The following TXLNB variants were observed in gnomAD, a reference collection of about 807,000 sequenced individuals.
The protein encoded by TXLNB is beta-taxilin.
Under a neutral mutation model 57.4 loss-of-function variants are expected in TXLNB, and 37 were observed. That is an observed-to-expected ratio of 0.64 (90% CI 0.50 to 0.85). The LOEUF is 0.85. TXLNB is among the 40% of genes least tolerant of loss of function. The pLI is 0.00. For synonymous variants in TXLNB, 302 were observed against 309.6 expected (o/e 0.98, Z 0.26); for missense variants, 848 against 825.6 (o/e 1.03, Z -0.33).
rs1334907855 is a variant in TXLNB, at chr6:139,260,426, T to G, written c.894A>C (p.Lys298Asn). The change falls in exon 6 of 10, where the codon AAA becomes AAC. Residue 298 changes from lysine (K) to asparagine (N), a missense_variant. Physicochemically the swap from Lys to Asn is moderately conservative, Grantham distance 94. Transcript: ENST00000358430. ...QYELREEHLD[K>N]IFKHRELQQK... ...GCTGCAGTTCTCTGTGTTTAAATAT[T>G]TTGTCCAGATGCTAAGAAAAATAAA... 10 of 1,613,988 alleles carry G rather than the reference T, an allele frequency of 6.2e-6. No individual in the cohort carries two copies. Among genetic ancestry groups the G allele is most frequent in the Non-Finnish European group, 7.6e-6 (9 of 1,179,970 alleles).
chr6:139,166,716 C>G, the TXLNB span: 1 of 1,608,196 alleles, frequency 6.2e-7, no homozygotes, highest in Non-Finnish European at 8.5e-7. Context: ...CAGAAAGGCC[C>G]AAGCCACGAC....
chr6:139,201,742 C>T, the TXLNB span: 6 of 152,096 alleles, frequency 3.9e-5, no homozygotes, highest in African/African-American at 1.4e-4. Flanking sequence ...TTTACTGGCT[C>T]GTCAGTGCTT....
the TXLNB span, among the ~76,000 whole-genome samples, chr6:139,203,422 A>G: frequency 2.1e-4 from 32 of 152,330 alleles, no homozygotes; most frequent in Non-Finnish European, 4.1e-4. Flanking sequence ...AAGGAAGCCA[A>G]TGTCCCATAA....
At chr6:139,217,884 A>G in the TXLNB span, among the ~76,000 whole-genome samples, 772 of 151,670 alleles carry the variant, frequency 5.1e-3, 6 homozygotes, top group African/African-American at 0.017. Flanking sequence ...AAAAAAAAAA[A>G]AAAGAAAAAG....
intron 7 of TXLNB, among the ~76,000 whole-genome samples, chr6:139,250,013 G>GT (rs906275616): frequency 4.3e-4 from 64 of 148,412 alleles, no homozygotes; most frequent in Middle Eastern, 3.4e-3. Context: ...GTTTACTGTG[G>GT]TTTTTTTTTT....
At chr6:139,182,707 T>C in the TXLNB span, among the ~76,000 whole-genome samples, 658 of 152,366 alleles carry the variant, frequency 4.3e-3, 20 homozygotes, top group East Asian at 1.5e-3. Context: ...ACAGATGTAA[T>C]ATTTGAAATA....
the TXLNB span, among the ~76,000 whole-genome samples, chr6:139,185,289 G>A: frequency 2.6e-5 from 4 of 152,304 alleles, no homozygotes; most frequent in South Asian, 2.1e-4. Context: ...TGCAATCTTG[G>A]TTATCAAGCT....
chr6:139,274,168 G>C (rs1776836752), intron 3 of TXLNB, among the ~76,000 whole-genome samples: 1 of 152,216 alleles, frequency 6.6e-6, no homozygotes, highest in Non-Finnish European at 1.5e-5. Context: ...ATTTAGTCAT[G>C]AAATGTCCTT....
At chr6:139,294,979 A>G (rs944710909), upstream of TXLNB, among the ~76,000 whole-genome samples, 9 of 150,672 alleles carry the variant, frequency 6.0e-5, no homozygotes, top group Middle Eastern at 3.4e-3. Context: ...ACAGAGCAAG[A>G]CTCTGTCTCA....
chr6:139,191,987 T>A, the TXLNB span, among the ~76,000 whole-genome samples: 1 of 152,338 alleles, frequency 6.6e-6, no homozygotes, highest in African/African-American at 2.4e-5. Context: ...ATTCATTTTT[T>A]AATAACCTAA....
the TXLNB span, among the ~76,000 whole-genome samples, chr6:139,193,055 C>T: frequency 7.2e-5 from 11 of 151,744 alleles, no homozygotes; most frequent in Non-Finnish European, 1.6e-4. Flanking sequence ...GTGGTCATTT[C>T]TCAGTCCTCA....
the TXLNB span, among the ~76,000 whole-genome samples, chr6:139,298,015 C>T: frequency 6.6e-6 from 1 of 152,066 alleles, no homozygotes; most frequent in Non-Finnish European, 1.5e-5. Flanking sequence ...TTGTATTAAT[C>T]CAAATACAAA....
rs1777085163 is a variant in TXLNB, at chr6:139,282,790, C to T, written c.424+5686G>A. The stretch of plus-strand genomic sequence containing the variant: ...CGATGTCAGTGACACAAAGTCCATC[C>T]CTTGCTTTATGACTAATCTCACAAT... On this transcript the variant is annotated intron_variant, in intron 2 of 9. Coordinates refer to ENST00000358430, the MANE Select transcript of TXLNB (RefSeq NM_153235.4). Among the ~76,000 whole-genome samples, 2 of 145,480 alleles carry T rather than the reference C, an allele frequency of 1.4e-5. 1 individual carries two copies. The highest frequency in any genetic ancestry group is 5.1e-5 in the African/African-American group (2 of 39,478).
chr6:139,244,566 G>A, intron 9 of TXLNB, 29 bp downstream of exon 9: 1 of 1,419,586 alleles, frequency 7.0e-7, no homozygotes. Context: ...AGACAGAGGG[G>A]ATTAAAGCTA....
chr6:139,301,644 A>G, the TXLNB span, among the ~76,000 whole-genome samples: 4 of 152,206 alleles, frequency 2.6e-5, no homozygotes, highest in East Asian at 7.7e-4. Flanking sequence ...GTCCTCACCG[A>G]AGAAAGTGCT....
At chr6:139,236,948 C>T (rs1222857483), downstream of TXLNB, among the ~76,000 whole-genome samples, 2 of 152,096 alleles carry the variant, frequency 1.3e-5, no homozygotes, top group Non-Finnish European at 2.9e-5. Flanking sequence ...AATAAGAAAA[C>T]AAGGCAGCAA....
At chr6:139,323,476 G>A in the TXLNB span, among the ~76,000 whole-genome samples, 2 of 151,982 alleles carry the variant, frequency 1.3e-5, no homozygotes, top group South Asian at 2.1e-4. Context: ...TAGAGACGGG[G>A]GTTTCACAGT....
the TXLNB span, among the ~76,000 whole-genome samples, chr6:139,225,782 A>G: frequency 2.6e-5 from 4 of 152,170 alleles, no homozygotes; most frequent in Non-Finnish European, 5.9e-5. Context: ...ATCCCCATGA[A>G]AACCCCAGTG....
At chr6:139,256,529 C>T (rs1286608826) in intron 6 of TXLNB, among the ~76,000 whole-genome samples, 6 of 152,216 alleles carry the variant, frequency 3.9e-5, no homozygotes, top group African/African-American at 1.2e-4. Flanking sequence ...GGGGTTTTGC[C>T]ATGTTGGCCA....
Sources: gnomAD v4.1 joint callset for allele counts (sites outside exome capture counted in the v4.1 genomes callset) on GRCh38, gnomAD v4.1.1 for gene constraint, MANE v1.5 for transcripts, NCBI Gene and HGNC (gene_info 2026-07-23, HGNC 2026-07-21) for gene names.